Variants in RAPGEF6 observed in about 807,000 individuals in gnomAD.
RAPGEF6 encodes the protein Rap guanine nucleotide exchange factor 6.
Under a neutral mutation model 171.4 loss-of-function variants are expected in RAPGEF6, and 56 were observed. That is an observed-to-expected ratio of 0.33 (90% confidence interval 0.26 to 0.41). The LOEUF is 0.41. Among genes scored for constraint, RAPGEF6 ranks in the 10% least tolerant of loss-of-function variants. RAPGEF6 has a pLI of 1.00. For missense variants in RAPGEF6, 1,674 were observed against 1,921.4 expected, an observed-to-expected ratio of 0.87 and a Z score of 2.41; for synonymous variants, 692 against 650.1, an observed-to-expected ratio of 1.06 and a Z score of -0.98.
chr5:131,507,160 T>C (rs967390496), intron 9 of RAPGEF6, among the ~76,000 whole-genome samples: 6 of 123,044 alleles, frequency 4.9e-5, no homozygotes, highest in Non-Finnish European at 1.0e-4. Context: ...ATATATATAA[T>C]ATATGTAATA....
At chr5:131,467,286 A>G (rs985057838) in intron 17 of RAPGEF6, among the ~76,000 whole-genome samples, 3 of 152,244 alleles carry the variant, frequency 2.0e-5, no homozygotes, top group South Asian at 2.1e-4. Flanking sequence ...ATATGATCAC[A>G]TAAGATTGAT....
chr5:131,502,251 A>T (rs1295127267), intron 11 of RAPGEF6, among the ~76,000 whole-genome samples: 4 of 152,236 alleles, frequency 2.6e-5, no homozygotes, highest in African/African-American at 9.6e-5. Context: ...AATTATTTTT[A>T]AAATCACCAT....
chr5:131,605,244 A>AAAC (rs766910618), intron 1 of RAPGEF6, among the ~76,000 whole-genome samples: 1 of 152,176 alleles, frequency 6.6e-6, no homozygotes, highest in South Asian at 2.1e-4. Flanking sequence ...CTAGGCATTA[A>AAAC]AACAACAACA....
chr5:131,517,775 G>A (rs997023079), intron 7 of RAPGEF6, among the ~76,000 whole-genome samples: 1 of 80,354 alleles, frequency 1.2e-5, no homozygotes, highest in Non-Finnish European at 2.7e-5. Context: ...AAACATTCGC[G>A]CATGTACACA....
At position 131,504,635 on chromosome 5, in the gene RAPGEF6, A is replaced by G; in HGVS notation, c.1245T>C (p.Ile415=). The change falls in exon 11 of 28, where the codon ATT becomes ATC. Residue 415 remains isoleucine, a synonymous_variant. Coordinates refer to ENST00000509018, the MANE Select transcript of RAPGEF6 (RefSeq NM_016340.6). ...LDRSGTRKGH[I]VIKATPERLI... is the part of the protein sequence containing the mutation. ...AAGTAAAAACACCCACCTTGATCAC[A>G]ATGTGTCCTTTCCTGGTTCCACTCC... 2 of 1,604,762 alleles carry G rather than the reference A, an allele frequency of 1.2e-6. No homozygotes were observed. The highest frequency in any genetic ancestry group is 1.7e-6 in the Non-Finnish European group (2 of 1,177,238).
At chr5:131,620,588 T>TTTTTC in intron 1 of RAPGEF6, among the ~76,000 whole-genome samples, 1 of 152,100 alleles carries the variant, frequency 6.6e-6, no homozygotes, top group African/African-American at 2.4e-5. Flanking sequence ...CATTCTTTTT[T>TTTTTC]TTTTCTTTTC....
chr5:131,454,255 C>T (rs527379182), intron 20 of RAPGEF6, among the ~76,000 whole-genome samples: 16 of 152,272 alleles, frequency 1.1e-4, no homozygotes, highest in African/African-American at 2.9e-4. Flanking sequence ...TACATCAAAA[C>T]GGATTAAAGT....
At chr5:131,602,287 C>T (rs977658445) in intron 3 of RAPGEF6, among the ~76,000 whole-genome samples, 1 of 152,078 alleles carries the variant, frequency 6.6e-6, no homozygotes, top group African/African-American at 2.4e-5. Context: ...CATACTTGCA[C>T]GGCATGTTAC....
At chr5:131,601,253 C>T (rs1179844170) in intron 3 of RAPGEF6, among the ~76,000 whole-genome samples, 1 of 151,614 alleles carries the variant, frequency 6.6e-6, no homozygotes, top group African/African-American at 2.4e-5. Flanking sequence ...GGCATGGTGG[C>T]GGGCGCCTGT....
chr5:131,524,550 G>T (rs150804480), intron 6 of RAPGEF6, among the ~76,000 whole-genome samples: 1 of 150,982 alleles, frequency 6.6e-6, no homozygotes, highest in Non-Finnish European at 1.5e-5. Context: ...ATAGCTTATA[G>T]ATGGGAGAGG....
chr5:131,498,673 T>C (rs992826949), intron 11 of RAPGEF6, 66 bp from the exon 12 acceptor site: 1 of 1,427,296 alleles, frequency 7.0e-7, no homozygotes, highest in Admixed American at 1.9e-5. Context: ...AGAACTATTG[T>C]TGATTACTCC....
intron 6 of RAPGEF6, among the ~76,000 whole-genome samples, chr5:131,544,279 C>T (rs528956971): frequency 6.6e-6 from 1 of 152,114 alleles, no homozygotes; most frequent in East Asian, 1.9e-4. Flanking sequence ...TTTGCAATTG[C>T]CCAAAACTGG....
intron 16 of RAPGEF6, among the ~76,000 whole-genome samples, chr5:131,476,260 C>T (rs907425217): frequency 6.6e-6 from 1 of 152,018 alleles, no homozygotes; most frequent in Non-Finnish European, 1.5e-5. Context: ...CTATTAGAAA[C>T]AGAACTACTG....
chr5:131,547,945 TAC>T, intron 6 of RAPGEF6, 100 bp downstream of exon 6: 2 of 1,309,656 alleles, frequency 1.5e-6, no homozygotes, highest in Non-Finnish European at 1.1e-6. Context: ...AATTTTCACA[TAC>T]AGAGCCCAGC....
intron 7 of RAPGEF6, among the ~76,000 whole-genome samples, chr5:131,512,280 T>C (rs1348485321): frequency 6.6e-6 from 1 of 151,976 alleles, no homozygotes; most frequent in East Asian, 1.9e-4. Context: ...GGGGCAGACG[T>C]ACCTGCAAGC....
intron 3 of RAPGEF6, among the ~76,000 whole-genome samples, chr5:131,600,528 AGAAGGAAG>A (rs749813909): frequency 2.3e-5 from 3 of 131,626 alleles, no homozygotes; most frequent in Middle Eastern, 3.7e-3. Context: ...AGAACTAACG[AGAAGGAAG>A]GAAGGAAGGA....
intron 12 of RAPGEF6, among the ~76,000 whole-genome samples, chr5:131,496,132 A>G (rs1394203553): frequency 6.6e-6 from 1 of 152,202 alleles, no homozygotes; most frequent in Non-Finnish European, 1.5e-5. Context: ...CCTTGAGTCC[A>G]GGAGTTTGAG....
At chr5:131,499,199 G>A (rs949724482) in intron 11 of RAPGEF6, among the ~76,000 whole-genome samples, 1 of 152,070 alleles carries the variant, frequency 6.6e-6, no homozygotes, top group African/African-American at 2.4e-5. Flanking sequence ...TCCATGCTAG[G>A]TCACCATATT....
At chr5:131,621,110 T>C (rs564273516) in intron 1 of RAPGEF6, among the ~76,000 whole-genome samples, 133 of 152,316 alleles carry the variant, frequency 8.7e-4, no homozygotes, top group African/African-American at 3.0e-3. Flanking sequence ...GCTGTTACCC[T>C]TTCAAGAAAC....
Sources: allele counts gnomAD v4.1 joint callset (sites outside exome capture counted in the v4.1 genomes callset), GRCh38; gene constraint gnomAD v4.1.1; transcripts MANE v1.5; gene names NCBI Gene and HGNC (gene_info 2026-07-23, HGNC 2026-07-21).